Variants in C3orf20 observed in about 807,000 individuals in gnomAD.
The protein encoded by C3orf20 is uncharacterized protein C3orf20.
In C3orf20, 76 loss-of-function variants were observed where a neutral mutation model predicts 88.3. That is an observed-to-expected ratio of 0.86 (90% CI 0.72 to 1.04). C3orf20 has a LOEUF of 1.04. Ranked by LOEUF, C3orf20 falls within the 50% of genes least tolerant of loss-of-function variation. The pLI is 0.00. For synonymous variants in C3orf20, 436 were observed against 437.4 expected (o/e 1.00, Z 0.04); for missense variants, 1,056 against 1,123.3 (o/e 0.94, Z 0.86).
chr3:14,685,483 TG>T lies in C3orf20; in HGVS notation c.625+1102del, dbSNP rs1269155064. Among the ~76,000 whole-genome samples the T allele has an allele frequency of 1.4e-3, 199 of 145,216 alleles. 1 individual carries two copies. The highest frequency in any genetic ancestry group is 4.9e-3 in the African/African-American group (188 of 38,208). ...GTTTCTCTCTCTCTCTCTCTCTCTGTGCGTGCGTGCGTGTGTGTGTGTGTGT... is the reference window on the plus strand; with the variant it reads ...GTTTCTCTCTCTCTCTCTCTCTCTGTCGTGCGTGCGTGTGTGTGTGTGTGT... On this transcript the variant is annotated intron_variant, in intron 4 of 16. Transcript: ENST00000253697.
intron 10 of C3orf20, among the ~76,000 whole-genome samples, chr3:14,724,985 C>G (rs902322574): frequency 1.4e-4 from 21 of 152,188 alleles, no homozygotes; most frequent in Non-Finnish European, 3.1e-4. Flanking sequence ...GAGACAGATT[C>G]TGAAAACAGT....
chr3:14,724,052 T>C (rs2034264103), intron 10 of C3orf20, among the ~76,000 whole-genome samples: 1 of 151,886 alleles, frequency 6.6e-6, no homozygotes. Context: ...CTCCTGACCT[T>C]AGATGACCCA....
At chr3:14,742,184 TAGTA>T (rs1236126438) in intron 12 of C3orf20, among the ~76,000 whole-genome samples, 2 of 152,228 alleles carry the variant, frequency 1.3e-5, no homozygotes, top group African/African-American at 4.8e-5. Flanking sequence ...TGCACCAACC[TAGTA>T]AGTAACATTA....
At position 14,683,009 on chromosome 3, in the gene C3orf20, C is replaced by A; in HGVS notation, c.296C>A (p.Pro99Gln). The A allele has an allele frequency of 6.2e-7, 1 of 1,613,316 alleles. No individual in the cohort carries two copies. The highest frequency in any genetic ancestry group is 1.3e-5 in the African/African-American group (1 of 75,022). Residue 99 changes from proline (P) to glutamine (Q), a missense_variant, in exon 3 of 17, where the codon CCA becomes CAA. By Grantham distance (76) the Pro-to-Gln change is moderately conservative. Transcript: ENST00000253697. ...PTLKKPLPPPPPAPPRPVLLA... is the reference protein window; with the variant it reads ...PTLKKPLPPPQPAPPRPVLLA... The stretch of plus-strand genomic sequence containing the variant: ...CTGAAGAAGCCACTACCTCCACCAC[C>A]ACCAGCACCACCACGTCCAGTGCTG...
At chr3:14,677,897 AC>A (rs1213245190) in intron 1 of C3orf20, among the ~76,000 whole-genome samples, 2 of 151,610 alleles carry the variant, frequency 1.3e-5, no homozygotes, top group East Asian at 3.9e-4. Context: ...ATATCCACTC[AC>A]CCCACCACAC....
At chr3:14,715,527 G>A (rs1460181446) in intron 9 of C3orf20, 118 bp downstream of exon 9, 1 of 1,329,018 alleles carries the variant, frequency 7.5e-7, no homozygotes, top group East Asian at 2.5e-5. Context: ...AAGACAGGAA[G>A]CCTGCCCTGA....
In C3orf20 at chr3:14,699,074, C is replaced by T. The variant is rs548761823; in HGVS notation, c.746-4056C>T. Reference sequence around the variant, plus strand: ...ACCACCACCAGGTCCATGGGGAGTACTGCCAGCCTACTGCCACTGTTCACT... The same window carrying T: ...ACCACCACCAGGTCCATGGGGAGTATTGCCAGCCTACTGCCACTGTTCACT... On this transcript the variant is annotated intron_variant, in intron 5 of 16. Coordinates refer to ENST00000253697, the MANE Select transcript of C3orf20 (RefSeq NM_032137.5). Among the ~76,000 whole-genome samples the T allele has an allele frequency of 4.6e-5, 7 of 152,246 alleles. No homozygotes were observed. The East Asian group carries it at 9.7e-4, about 21-fold the overall frequency.
chr3:14,680,402 C>CA (rs1416678980), intron 1 of C3orf20, among the ~76,000 whole-genome samples: 2 of 152,016 alleles, frequency 1.3e-5, no homozygotes, highest in East Asian at 3.9e-4. Context: ...AAGACAGTCA[C>CA]AAAAAAACCC....
intron 12 of C3orf20, among the ~76,000 whole-genome samples, chr3:14,737,174 C>A (rs550541990): frequency 2.2e-4 from 34 of 152,130 alleles, no homozygotes; most frequent in African/African-American, 7.7e-4. Flanking sequence ...AGAAAAAATT[C>A]TCAGCTATTA....
chr3:14,738,284 C>T (rs891700263), intron 12 of C3orf20, among the ~76,000 whole-genome samples: 28 of 150,762 alleles, frequency 1.9e-4, no homozygotes, highest in Non-Finnish European at 4.0e-4. Flanking sequence ...TCTCCTGCCT[C>T]AACCTCCTGA....
chr3:14,723,269 C>T (rs534835610), intron 10 of C3orf20, among the ~76,000 whole-genome samples: 150 of 152,338 alleles, frequency 9.8e-4, no homozygotes, highest in African/African-American at 3.4e-3. Flanking sequence ...ACCAACCCAA[C>T]GTCCAATAAG....
chr3:14,711,832 T>C (rs2033752493), intron 7 of C3orf20, among the ~76,000 whole-genome samples: 1 of 152,082 alleles, frequency 6.6e-6, no homozygotes, highest in African/African-American at 2.4e-5. Flanking sequence ...TCTTTAGTTT[T>C]TCTATTTGTT....
chr3:14,720,222 G>A (rs975212509), intron 9 of C3orf20, among the ~76,000 whole-genome samples: 15 of 152,066 alleles, frequency 9.9e-5, no homozygotes, highest in Non-Finnish European at 1.9e-4. Context: ...AGTAGAGACG[G>A]GGTTTCACCG....
Position 14,717,706 on chromosome 3 carries a change from A to T in C3orf20, c.1434+2297A>T, listed in dbSNP as rs149476521. On this transcript the variant is annotated intron_variant, in intron 9 of 16. Coordinates refer to ENST00000253697, the MANE Select transcript of C3orf20 (RefSeq NM_032137.5). ...AAGATCCAAGTTTCCCTCTGGTACC[A>T]TTTCTCTTCAGCCTGAAGAACTTCT... is the stretch of plus-strand genomic sequence containing the variant. Among the ~76,000 whole-genome samples, 798 of 151,986 alleles carry T rather than the reference A, an allele frequency of 5.3e-3. 4 individuals carry two copies. The highest frequency in any genetic ancestry group is 0.018 in the African/African-American group (751 of 41,462).
intron 9 of C3orf20, among the ~76,000 whole-genome samples, chr3:14,719,030 G>C (rs532837763): frequency 1.3e-5 from 2 of 152,118 alleles, no homozygotes; most frequent in Non-Finnish European, 2.9e-5. Flanking sequence ...GGCTAAAGCC[G>C]TAAACCTTAT....
chr3:14,759,842 C>T (rs2035502734), intron 13 of C3orf20, 49 bp from the exon 14 acceptor site: 5 of 1,480,500 alleles, frequency 3.4e-6, no homozygotes, highest in Non-Finnish European at 3.8e-6. Flanking sequence ...AATCCAGGTA[C>T]ATCTTATTGG....
chr3:14,759,860 G>A (rs777412946), intron 13 of C3orf20, 31 bp from the exon 14 acceptor site: 4 of 1,554,070 alleles, frequency 2.6e-6, no homozygotes, highest in African/African-American at 2.7e-5. Flanking sequence ...TGGCATGGGG[G>A]TGACCAGTTC....
chr3:14,699,996 T>G (rs2033182261), intron 5 of C3orf20, among the ~76,000 whole-genome samples: 1 of 152,220 alleles, frequency 6.6e-6, no homozygotes, highest in Non-Finnish European at 1.5e-5. Flanking sequence ...GGGCTTCAGC[T>G]GAGTTCAGCC....
intron 11 of C3orf20, among the ~76,000 whole-genome samples, 179 bp from the exon 12 acceptor site, chr3:14,728,260 G>C (rs143469964): frequency 6.6e-6 from 1 of 152,294 alleles, no homozygotes; most frequent in East Asian, 1.9e-4. Flanking sequence ...TCACTGATGA[G>C]TGCACTGGGA....
Sources: allele counts gnomAD v4.1 joint callset (sites outside exome capture counted in the v4.1 genomes callset), GRCh38; gene constraint gnomAD v4.1.1; transcripts MANE v1.5; gene names NCBI Gene and HGNC (gene_info 2026-07-23, HGNC 2026-07-21).